ZNF362: variants seen among roughly 807,000 people sequenced by gnomAD.
The protein encoded by ZNF362 is zinc finger protein 362, also known as rotund homolog.
In ZNF362, 11 loss-of-function variants were observed where a neutral mutation model predicts 42.9. The ratio of observed to expected loss-of-function variants is 0.26; its 90% CI spans 0.16 to 0.42. The LOEUF (loss-of-function observed/expected upper bound fraction) is 0.42, where lower values mean the gene tolerates loss of function less well. Ranked by LOEUF, ZNF362 falls within the 20% of genes least tolerant of loss-of-function variation. The probability of loss-of-function intolerance (pLI) is 1.00; values close to 1 mark genes in which losing one functional copy is unlikely to be tolerated. For missense variants in ZNF362, 362 were observed against 576.2 expected (o/e 0.63, Z 3.81); for synonymous variants, 255 against 257.3 (o/e 0.99, Z 0.09).
the ZNF362 span, among the ~76,000 whole-genome samples, chr1:33,206,641 G>A: frequency 0.17 from 26,188 of 151,936 alleles, 2,700 homozygotes; most frequent in East Asian, 0.31. Context: ...TTATAAAAAC[G>A]AAAAGACAAG....
intron 6 of ZNF362, among the ~76,000 whole-genome samples, chr1:33,282,788 C>T (rs1646005241): frequency 6.7e-6 from 1 of 149,194 alleles, no homozygotes; most frequent in African/African-American, 2.5e-5. Context: ...CGCCATTGCA[C>T]TCCAGCCTGG....
the ZNF362 span, among the ~76,000 whole-genome samples, chr1:33,240,814 A>G: frequency 2.0e-5 from 3 of 152,178 alleles, no homozygotes; most frequent in Non-Finnish European, 4.4e-5. Flanking sequence ...CTGACATTCT[A>G]TGTGATTACC....
At chr1:33,192,421 C>A in the ZNF362 span, among the ~76,000 whole-genome samples, 1 of 152,122 alleles carries the variant, frequency 6.6e-6, no homozygotes, top group Non-Finnish European at 1.5e-5. Flanking sequence ...GATCTAAGAC[C>A]ACTTCTGATC....
At chr1:33,221,104 G>A in the ZNF362 span, among the ~76,000 whole-genome samples, 1 of 152,162 alleles carries the variant, frequency 6.6e-6, no homozygotes, top group Non-Finnish European at 1.5e-5. Flanking sequence ...GCGGGGTGCC[G>A]ACCATCAGCC....
rs1374449947 is a variant in ZNF362, at chr1:33,300,537, AG to A, written c.*1494del. The A allele has an allele frequency of 6.6e-6, 1 of 152,198 alleles. No individual in the cohort carries two copies. The highest frequency in any genetic ancestry group is 2.4e-5 in the African/African-American group (1 of 41,420). 9.4% of individuals were successfully genotyped at this position (152,198 alleles called of 1,614,324 possible). On this transcript the variant is annotated 3_prime_UTR_variant, in exon 9 of 9. Coordinates refer to ENST00000539719, the MANE Select transcript of ZNF362 (RefSeq NM_152493.3). ...TCTGCATCTTGGAGGCAGGGAGGTG[AG>A]GGCAGGTGCCCCTCAGACACTTCAG...
At chr1:33,236,550 A>AAAAAAAAAAAAACATATAT in the ZNF362 span, among the ~76,000 whole-genome samples, 1 of 5,970 alleles carries the variant, frequency 1.7e-4, no homozygotes, top group African/African-American at 3.9e-4. Context: ...AAAAAAAAAA[A>AAAAAAAAAAAAACATATAT]ATATATATAT....
the ZNF362 span, among the ~76,000 whole-genome samples, chr1:33,193,899 T>C: frequency 6.6e-6 from 1 of 152,226 alleles, no homozygotes; most frequent in East Asian, 1.9e-4. Flanking sequence ...GTCAGCCAAC[T>C]GCACTTGTGT....
At chr1:33,186,286 C>A in the ZNF362 span, among the ~76,000 whole-genome samples, 1 of 151,840 alleles carries the variant, frequency 6.6e-6, no homozygotes, top group Non-Finnish European at 1.5e-5. Flanking sequence ...ATTTTTTGTG[C>A]CTTTTTGTTG....
chr1:33,191,393 C>A, the ZNF362 span, among the ~76,000 whole-genome samples: 1 of 152,224 alleles, frequency 6.6e-6, no homozygotes, highest in Non-Finnish European at 1.5e-5. Flanking sequence ...CATTTCCCTT[C>A]TTCCTATGTT....
chr1:33,254,562 G>T (rs890613443), upstream of ZNF362, among the ~76,000 whole-genome samples: 2 of 152,162 alleles, frequency 1.3e-5, no homozygotes, highest in African/African-American at 4.8e-5. Flanking sequence ...TTTCTCACAA[G>T]GCTGGGGTTA....
the ZNF362 span, among the ~76,000 whole-genome samples, chr1:33,156,425 C>T: frequency 6.6e-6 from 1 of 152,202 alleles, no homozygotes; most frequent in East Asian, 1.9e-4. Flanking sequence ...CTGGGTTCTC[C>T]CATGCTTGGC....
chr1:33,147,519 C>T, the ZNF362 span: 1 of 1,613,812 alleles, frequency 6.2e-7, no homozygotes, highest in Non-Finnish European at 8.5e-7. This position sits in a 1 kb window ranked among gnomAD's most constrained non-coding sequence, Gnocchi z 8.1. Context: ...CGATCACCCA[C>T]TGGGTCTTCT....
chr1:33,208,320 T>G, the ZNF362 span, among the ~76,000 whole-genome samples: 1 of 152,222 alleles, frequency 6.6e-6, no homozygotes, highest in African/African-American at 2.4e-5. Context: ...TATGCTGTTT[T>G]GGTTACTGTA....
At position 33,265,448 on chromosome 1, in the gene ZNF362, C is replaced by T. The variant is rs192615142; in HGVS notation, c.-88-5039C>T. On this transcript the variant is annotated intron_variant, in intron 1 of 8. Transcript: ENST00000539719. ...CAATGAAAACAGCCCTTCCCAGCCC[C>T]GTGGGGCTGCGGAAACCCGGTCTAA... 2.8e-3 allele frequency among the ~76,000 whole-genome samples: 433 copies of T among 152,092 alleles called. 1 individual carries two copies. The highest frequency in any genetic ancestry group is 9.6e-3 in the African/African-American group (400 of 41,484).
chr1:33,193,223 T>C, the ZNF362 span, among the ~76,000 whole-genome samples: 2 of 152,144 alleles, frequency 1.3e-5, no homozygotes, highest in Non-Finnish European at 2.9e-5. Context: ...CTGGAAGCAA[T>C]TGTAATCACA....
chr1:33,238,449 G>A, the ZNF362 span, among the ~76,000 whole-genome samples: 1 of 151,434 alleles, frequency 6.6e-6, no homozygotes. Context: ...AAAATCCCTT[G>A]GAAAGCCCAT....
At chr1:33,297,193 G>A (rs1223026010) in intron 8 of ZNF362, among the ~76,000 whole-genome samples, 2 of 152,142 alleles carry the variant, frequency 1.3e-5, no homozygotes, top group South Asian at 2.1e-4. Context: ...AGGAGCCCTC[G>A]CTTGGCTAGC....
chr1:33,173,481 C>T, the ZNF362 span, among the ~76,000 whole-genome samples: 1 of 152,172 alleles, frequency 6.6e-6, no homozygotes, highest in African/African-American at 2.4e-5. Context: ...GCATTCAAAG[C>T]CCTTCCTGAG....
At chr1:33,287,854 A>G (rs895830007) in intron 6 of ZNF362, among the ~76,000 whole-genome samples, 2 of 152,252 alleles carry the variant, frequency 1.3e-5, no homozygotes, top group African/African-American at 4.8e-5. Context: ...ATTTCTTCAT[A>G]AGAGATAATG....
Sources: gnomAD v4.1 joint callset for allele counts (sites outside exome capture counted in the v4.1 genomes callset) on GRCh38, gnomAD v4.1.1 for gene constraint, Gnocchi (gnomAD v3.1) non-coding constraint, MANE v1.5 for transcripts, NCBI Gene and HGNC (gene_info 2026-07-23, HGNC 2026-07-21) for gene names.